Variants in MECOM observed in about 807,000 individuals in gnomAD.
The protein encoded by MECOM is MDS1 and EVI1 complex locus, also known as histone-lysine N-methyltransferase MECOM.
Under a neutral mutation model 116.3 loss-of-function variants are expected in MECOM, and 13 were observed. That is an observed-to-expected ratio of 0.11 (90% CI 0.07 to 0.18). MECOM has a LOEUF of 0.18. Ranked by LOEUF, MECOM falls within the 10% of genes least tolerant of loss-of-function variation. The pLI is 1.00. For synonymous variants in MECOM, 528 were observed against 535.2 expected (o/e 0.99, Z 0.19); for missense variants, 1,299 against 1,509.0 (o/e 0.86, Z 2.31).
intron 1 of MECOM, among the ~76,000 whole-genome samples, chr3:169,584,070 G>A (rs1410558942): frequency 6.6e-6 from 1 of 152,122 alleles, no homozygotes; most frequent in Non-Finnish European, 1.5e-5. Flanking sequence ...AATTCCTGCT[G>A]AGAGAATATT....
At chr3:169,602,970 T>C (rs1768001536) in intron 1 of MECOM, among the ~76,000 whole-genome samples, 2 of 152,218 alleles carry the variant, frequency 1.3e-5, no homozygotes, top group Admixed American at 6.5e-5. Flanking sequence ...TTCACTCATA[T>C]ATGCACATAG....
chr3:169,327,771 T>TA (rs1193270465), intron 2 of MECOM, among the ~76,000 whole-genome samples: 1 of 152,162 alleles, frequency 6.6e-6, no homozygotes, highest in Admixed American at 6.5e-5. Context: ...ATACACACTC[T>TA]ATCATTACTG....
At chr3:169,299,293 C>T (rs1326205019) in intron 2 of MECOM, among the ~76,000 whole-genome samples, 1 of 152,112 alleles carries the variant, frequency 6.6e-6, no homozygotes, top group East Asian at 1.9e-4. Flanking sequence ...CCGCCCAAAC[C>T]GAGGCCAAGA....
At chr3:169,098,720 G>T (rs1430380012) in intron 12 of MECOM, among the ~76,000 whole-genome samples, 1 of 151,760 alleles carries the variant, frequency 6.6e-6, no homozygotes. Flanking sequence ...TGAAGATGGG[G>T]TCTCGCTGTG....
chr3:169,231,566 T>C (rs1040601008), intron 2 of MECOM, among the ~76,000 whole-genome samples: 3 of 152,050 alleles, frequency 2.0e-5, no homozygotes, highest in Non-Finnish European at 4.4e-5. Context: ...AGAAAACAGC[T>C]GTAGTCAGAG....
intron 2 of MECOM, 99 bp downstream of exon 2, chr3:169,381,088 T>G: frequency 9.5e-7 from 1 of 1,055,126 alleles, no homozygotes; most frequent in Non-Finnish European, 1.4e-6. Flanking sequence ...TGAAAACATA[T>G]TGTAACAAAT....
intron 1 of MECOM, among the ~76,000 whole-genome samples, chr3:169,607,802 C>G (rs1186387517): frequency 6.6e-6 from 1 of 152,232 alleles, no homozygotes; most frequent in Non-Finnish European, 1.5e-5. Context: ...TAAAAATTTA[C>G]TATCCCACAC....
At chr3:169,308,152 G>C (rs961905261) in intron 2 of MECOM, among the ~76,000 whole-genome samples, 7 of 152,152 alleles carry the variant, frequency 4.6e-5, no homozygotes, top group Middle Eastern at 6.8e-3. Context: ...GTGTTGACTT[G>C]TTCCCTAATT....
intron 1 of MECOM, among the ~76,000 whole-genome samples, chr3:169,420,574 A>C (rs1739547053): frequency 6.6e-6 from 1 of 152,128 alleles, no homozygotes; most frequent in African/African-American, 2.4e-5. Context: ...GGCCCCTAGA[A>C]ATAGGGAATG....
At chr3:169,305,050 TA>T (rs1717414841) in intron 2 of MECOM, among the ~76,000 whole-genome samples, 1 of 152,234 alleles carries the variant, frequency 6.6e-6, no homozygotes. Flanking sequence ...AAGACATTTC[TA>T]ATCAGAATAA....
chr3:169,661,521 T>G (rs1474695371), intron 1 of MECOM, among the ~76,000 whole-genome samples: 2 of 152,164 alleles, frequency 1.3e-5, no homozygotes, highest in Non-Finnish European at 2.9e-5. Context: ...GATGGACTGA[T>G]GACCCAAAGA....
intron 1 of MECOM, among the ~76,000 whole-genome samples, chr3:169,505,223 C>T (rs921309679): frequency 6.9e-6 from 1 of 144,842 alleles, no homozygotes; most frequent in Non-Finnish European, 1.6e-5. Flanking sequence ...CCATTTTATC[C>T]AAAGTATATC....
At chr3:169,121,277 T>C (rs1221998273) in intron 6 of MECOM, 68 bp from the exon 7 acceptor site, 2 of 1,457,796 alleles carry the variant, frequency 1.4e-6, no homozygotes, top group Non-Finnish European at 1.8e-6. Context: ...AGACCCGGGA[T>C]GACTCAAGAA....
At chr3:169,185,580 C>T (rs1202590337) in intron 2 of MECOM, among the ~76,000 whole-genome samples, 1 of 152,108 alleles carries the variant, frequency 6.6e-6, no homozygotes. Flanking sequence ...AGGTAGTGTC[C>T]TGCAGATATG....
At position 169,084,871 on chromosome 3, in the gene MECOM, T is replaced by C. The variant is rs202048677; in HGVS notation, c.*38A>G. On this transcript the variant is annotated 3_prime_UTR_variant, in exon 17 of 17. Transcript: ENST00000651503. ...GTCCTATATGAAAGAGCCATGCTAC[T>C]GTTGGACTTGGTCCCACTCTGGTCA... The C allele has an allele frequency of 5.0e-6, 8 of 1,613,064 alleles. No individual in the cohort carries two copies. Among genetic ancestry groups the C allele is most frequent in the African/African-American group, 1.3e-5 (1 of 74,904 alleles).
At chr3:169,310,930 A>T (rs976095944) in intron 2 of MECOM, among the ~76,000 whole-genome samples, 1 of 152,228 alleles carries the variant, frequency 6.6e-6, no homozygotes, top group African/African-American at 2.4e-5. Flanking sequence ...CATGCAGTAG[A>T]CACAACAAAA....
chr3:169,105,686 G>GT (rs56009270), intron 10 of MECOM, among the ~76,000 whole-genome samples: 9,552 of 152,010 alleles, frequency 0.063, 442 homozygotes, highest in South Asian at 0.2. Flanking sequence ...GTAAATGACA[G>GT]TTTTTTTCCT....
At position 169,437,582 on chromosome 3, in the gene MECOM, T is replaced by C. The variant is rs554682080; in HGVS notation, c.38-56058A>G. Among the ~76,000 whole-genome samples, 44 of 152,350 alleles carry C rather than the reference T, an allele frequency of 2.9e-4. 1 individual carries two copies. In the East Asian group the frequency reaches 8.5e-3, roughly 29 times the overall value. ...TAACAGAGTCAAACTTTTTGGAATG[T>C]AATTCTTGGAGACAAAAACCTTCTT... On this transcript the variant is annotated intron_variant, in intron 1 of 16. Coordinates refer to ENST00000651503, the MANE Select transcript of MECOM (RefSeq NM_004991.4).
chr3:169,413,426 G>T (rs961571025), intron 1 of MECOM, among the ~76,000 whole-genome samples: 2 of 151,878 alleles, frequency 1.3e-5, no homozygotes, highest in Non-Finnish European at 2.9e-5. Context: ...AAACCTGGGG[G>T]GCCATTTGGG....
Sources: allele counts gnomAD v4.1 joint callset (sites outside exome capture counted in the v4.1 genomes callset), GRCh38; gene constraint gnomAD v4.1.1; transcripts MANE v1.5; gene names NCBI Gene and HGNC (gene_info 2026-07-23, HGNC 2026-07-21).